SCARA5: variants seen among roughly 807,000 people sequenced by gnomAD.
SCARA5 encodes scavenger receptor class A, member 5 (putative).
In SCARA5, 45 loss-of-function variants were observed where a neutral mutation model predicts 46.3. The ratio of observed to expected loss-of-function variants is 0.97; its 90% confidence interval spans 0.76 to 1.24. The LOEUF is 1.24. Among genes scored for constraint, SCARA5 ranks in the 50% most tolerant of loss-of-function variants. The pLI is 0.00. For missense variants in SCARA5, 680 were observed against 689.0 expected (o/e 0.99, Z 0.15); for synonymous variants, 333 against 306.5 (o/e 1.09, Z -0.90).
At position 27,984,163 on chromosome 8, in the gene SCARA5, G is replaced by A. The variant is rs780571243; in HGVS notation, c.112+3341C>T. On this transcript the variant is annotated intron_variant, in intron 2 of 8. Coordinates refer to ENST00000354914, the MANE Select transcript of SCARA5 (RefSeq NM_173833.6). Reference sequence around the variant, plus strand: ...TCCCATTTCACTCCGCAGAGATAAGGATCAAAGATGCAGCAAAACCCTTCT... The same window carrying A: ...TCCCATTTCACTCCGCAGAGATAAGAATCAAAGATGCAGCAAAACCCTTCT... 2.0e-5 allele frequency among the ~76,000 whole-genome samples: 3 copies of A among 152,144 alleles called. No homozygotes were observed. In the South Asian group the frequency reaches 6.2e-4, roughly 32 times the overall value.
chr8:27,877,998 C>A (rs1487839709), intron 8 of SCARA5, among the ~76,000 whole-genome samples: 1 of 152,210 alleles, frequency 6.6e-6, no homozygotes, highest in Non-Finnish European at 1.5e-5. Flanking sequence ...CTGGAAGGGA[C>A]ATGCCACTTT....
chr8:27,904,257 G>A (rs971064851), intron 7 of SCARA5: 5 of 158,976 alleles, frequency 3.1e-5, no homozygotes, highest in Non-Finnish European at 6.9e-5. Context: ...CCAGGGAGGG[G>A]AGGCCTTTAA....
intron 1 of SCARA5, among the ~76,000 whole-genome samples, chr8:27,989,795 T>G (rs1808761072): frequency 6.6e-6 from 1 of 152,140 alleles, no homozygotes; most frequent in South Asian, 2.1e-4. Context: ...CTCCACCCAA[T>G]GCCTCCACCC....
At position 27,992,384 on chromosome 8, in the gene SCARA5, A is replaced by T. The variant is rs1808802402; in HGVS notation, c.-143T>A. On this transcript the variant is annotated 5_prime_UTR_variant, in exon 1 of 9. Coordinates refer to ENST00000354914, the MANE Select transcript of SCARA5 (RefSeq NM_173833.6). ...CCCCTCGGACCGCGTCCCCACAGCCAGCCAAATCCAGATGGAGTCATAGAA... is the reference window on the plus strand; with the variant it reads ...CCCCTCGGACCGCGTCCCCACAGCCTGCCAAATCCAGATGGAGTCATAGAA... 1 of 152,384 alleles carries T rather than the reference A, an allele frequency of 6.6e-6. No individual in the cohort carries two copies. The highest frequency in any genetic ancestry group is 2.1e-4 in the South Asian group (1 of 4,836). 9.4% of individuals were successfully genotyped at this position (152,384 alleles called of 1,614,324 possible).
chr8:27,958,342 CAGG>C (rs1808237890), intron 3 of SCARA5, among the ~76,000 whole-genome samples: 1 of 152,172 alleles, frequency 6.6e-6, no homozygotes. Context: ...GTGCCTTCTG[CAGG>C]AGAAGCTCTG....
chr8:27,960,340 C>T (rs1808275700), intron 3 of SCARA5, among the ~76,000 whole-genome samples: 1 of 152,080 alleles, frequency 6.6e-6, no homozygotes, highest in South Asian at 2.1e-4. Flanking sequence ...CTATACCTGG[C>T]TCATTTTTTA....
At position 27,952,055 on chromosome 8, in the gene SCARA5, G is replaced by GCGGTCCT; in HGVS notation, c.241+14358_241+14359insAGGACCG. Among the ~76,000 whole-genome samples the GCGGTCCT allele has an allele frequency of 1.3e-5, 2 of 152,132 alleles. 1 individual carries two copies. Among genetic ancestry groups the GCGGTCCT allele is most frequent in the South Asian group, 4.2e-4 (2 of 4,798 alleles). On this transcript the variant is annotated intron_variant, in intron 3 of 8. Transcript: ENST00000354914. The stretch of plus-strand genomic sequence containing the variant: ...TAAGATGAGGTTGTATTGGGTTGGG[G>GCGGTCCT]ACCAATATGATTAGTGTCCTTAGAA...
chr8:27,941,176 T>C (rs552310107), intron 3 of SCARA5, among the ~76,000 whole-genome samples: 3 of 152,092 alleles, frequency 2.0e-5, no homozygotes, highest in South Asian at 2.1e-4. Context: ...GTAGATGATA[T>C]AGAGGAAGCA....
intron 3 of SCARA5, among the ~76,000 whole-genome samples, chr8:27,957,704 C>G (rs931984577): frequency 7.2e-5 from 11 of 152,224 alleles, no homozygotes; most frequent in African/African-American, 2.7e-4. Context: ...GTAGGCAATG[C>G]GTCTAAGTCT....
rs751272418 is a variant in SCARA5, at chr8:27,922,198, T to G, written c.289A>C (p.Asn97His). 1.3e-6 allele frequency: 2 copies of G among 1,598,480 alleles called. No individual in the cohort carries two copies. Among genetic ancestry groups the G allele is most frequent in the African/African-American group, 1.3e-5 (1 of 74,100 alleles). ...SPDDLKALTRNVNRLNESFRD... is the reference protein window; with the variant it reads ...SPDDLKALTRHVNRLNESFRD... The stretch of plus-strand genomic sequence containing the variant: ...AAGCTCTCATTCAGCCGGTTCACAT[T>G]GCGAGTCAGGGCCTTCAGGTCGTCA... Residue 97 changes from asparagine (N) to histidine (H), a missense_variant, in exon 4 of 9, where the codon AAT becomes CAT. Physicochemically the swap from Asn to His is moderately conservative, Grantham distance 68. This residue lies in a region of SCARA5 where 438 missense variants were observed against 384.5 expected (regional missense o/e 1.14). Transcript: ENST00000354914.
At chr8:27,955,954 T>A (rs1459410536) in intron 3 of SCARA5, among the ~76,000 whole-genome samples, 1 of 152,154 alleles carries the variant, frequency 6.6e-6, no homozygotes, top group Non-Finnish European at 1.5e-5. Context: ...TGGTGTCATT[T>A]ACAGAGATGG....
intron 3 of SCARA5, among the ~76,000 whole-genome samples, chr8:27,949,548 C>T (rs1422622850): frequency 6.6e-6 from 1 of 152,142 alleles, no homozygotes; most frequent in South Asian, 2.1e-4. Context: ...GTCTTTGGGA[C>T]ACTATGGATT....
At chr8:27,979,164 C>T (rs1239986325) in intron 2 of SCARA5, among the ~76,000 whole-genome samples, 2 of 152,164 alleles carry the variant, frequency 1.3e-5, no homozygotes, top group Non-Finnish European at 2.9e-5. Flanking sequence ...ACCTTTCCCT[C>T]ATCCCATCAT....
intron 3 of SCARA5, among the ~76,000 whole-genome samples, chr8:27,959,806 G>A (rs545976273): frequency 1.3e-5 from 2 of 152,322 alleles, no homozygotes; most frequent in African/African-American, 4.8e-5. Context: ...CTGGGAAGTC[G>A]GGAGGGAGGT....
chr8:27,889,719 G>A (rs1050475883), intron 7 of SCARA5, among the ~76,000 whole-genome samples: 3 of 152,218 alleles, frequency 2.0e-5, no homozygotes, highest in Non-Finnish European at 4.4e-5. Flanking sequence ...AAACAGCTTG[G>A]TTTCTCCTGA....
At chr8:27,958,124 G>A (rs1233658865) in intron 3 of SCARA5, among the ~76,000 whole-genome samples, 1 of 152,244 alleles carries the variant, frequency 6.6e-6, no homozygotes. Context: ...GCTGTAAGTA[G>A]GGCTTTGGCT....
chr8:27,870,489 G>C lies in SCARA5; in HGVS notation c.*1445C>G, dbSNP rs1009611738. On this transcript the variant is annotated 3_prime_UTR_variant, in exon 9 of 9. Coordinates refer to ENST00000354914, the MANE Select transcript of SCARA5 (RefSeq NM_173833.6). ...AGTGTTGCTGTTCCTACACCTGGAG[G>C]GGCCCAGGTCTCTCCCCAAGCAGGC... 57 of 152,276 alleles carry C rather than the reference G, an allele frequency of 3.7e-4. No homozygotes were observed. Among genetic ancestry groups the C allele is most frequent in the African/African-American group, 1.4e-3 (57 of 41,316 alleles). 9.4% of individuals were successfully genotyped at this position (152,276 alleles called of 1,614,324 possible). A position where few individuals can be genotyped will look rare whatever the true frequency, so the allele number is the denominator to read the frequency against.
chr8:27,984,089 A>T (rs1808664172), intron 2 of SCARA5, among the ~76,000 whole-genome samples: 1 of 151,302 alleles, frequency 6.6e-6, no homozygotes, highest in Non-Finnish European at 1.5e-5. Context: ...ATCTCTTCCC[A>T]ACTTCCCCCT....
intron 2 of SCARA5, among the ~76,000 whole-genome samples, chr8:27,966,954 A>T (rs1028233256): frequency 3.3e-5 from 5 of 152,150 alleles, no homozygotes; most frequent in African/African-American, 7.2e-5. Context: ...GTGGCTGGGA[A>T]GGTATGGGAA....
Sources: gnomAD v4.1 joint callset for allele counts (sites outside exome capture counted in the v4.1 genomes callset) on GRCh38, gnomAD v4.1.1 for gene constraint, gnomAD v4.1.1 regional missense constraint, MANE v1.5 for transcripts, NCBI Gene and HGNC (gene_info 2026-07-23, HGNC 2026-07-21) for gene names.